The following KLHL6 variants were observed in gnomAD, a reference collection of about 807,000 sequenced individuals.
The protein encoded by KLHL6 is kelch like family member 6, also known as kelch-like protein 6.
In KLHL6, 41 loss-of-function variants were observed where a neutral mutation model predicts 58.6. The ratio of observed to expected loss-of-function variants is 0.70; its 90% confidence interval spans 0.55 to 0.91. The LOEUF (loss-of-function observed/expected upper bound fraction) is 0.91. KLHL6 is among the 40% of genes least tolerant of loss of function. The pLI is 0.00. For synonymous variants in KLHL6, 338 were observed against 322.7 expected (o/e 1.05, Z -0.51); for missense variants, 714 against 805.6 (o/e 0.89, Z 1.38).
At chr3:183,534,125 G>GTACTTTAAAAGTACTTTACTTTTAAAA (rs1712273266) in intron 1 of KLHL6, among the ~76,000 whole-genome samples, 1 of 122,426 alleles carries the variant, frequency 8.2e-6, no homozygotes, top group Admixed American at 8.9e-5. Context: ...TACTTTTAAA[G>GTACTTTAAAAGTACTTTACTTTTAAAA]TACTTTGTAC....
At chr3:183,493,292 G>A (rs1717624037) in intron 5 of KLHL6, 1 of 156,142 alleles carries the variant, frequency 6.4e-6, no homozygotes, top group Non-Finnish European at 1.4e-5. Context: ...GATCCTTTTA[G>A]ATCGTGGAGC....
chr3:183,531,614 T>C (rs1712168020), intron 1 of KLHL6, among the ~76,000 whole-genome samples: 1 of 151,972 alleles, frequency 6.6e-6, no homozygotes, highest in African/African-American at 2.4e-5. Context: ...GCCTGGCTAA[T>C]TTTTTGTATT....
intron 2 of KLHL6, among the ~76,000 whole-genome samples, chr3:183,510,246 C>G (rs921451872): frequency 2.7e-5 from 4 of 148,232 alleles, no homozygotes; most frequent in Non-Finnish European, 5.9e-5. Flanking sequence ...TTCTTGGTGC[C>G]CATGGGTTGA....
chr3:183,547,817 G>A (rs1346790205), intron 1 of KLHL6, among the ~76,000 whole-genome samples: 2 of 152,158 alleles, frequency 1.3e-5, no homozygotes, highest in African/African-American at 4.8e-5. Flanking sequence ...TTGATGGGAA[G>A]AGTGGTTTCC....
Position 183,508,528 on chromosome 3 carries a change from G to A in KLHL6, c.460-20C>T. Reference sequence around the variant, plus strand: ...CAGGAACTGATGAAATAGAAAGGGTGGAAAGGAGGCCAGAAAATGGTGAGT... The same window carrying A: ...CAGGAACTGATGAAATAGAAAGGGTAGAAAGGAGGCCAGAAAATGGTGAGT... On this transcript the variant is annotated intron_variant, in intron 2 of 6. Transcript: ENST00000341319. 9 of 1,600,994 alleles carry A rather than the reference G, an allele frequency of 5.6e-6. No individual in the cohort carries two copies. The highest frequency in any genetic ancestry group is 7.7e-6 in the Non-Finnish European group (9 of 1,173,306).
chr3:183,508,032 A>G, intron 3 of KLHL6, 27 bp downstream of exon 3: 1 of 1,598,148 alleles, frequency 6.3e-7, no homozygotes, highest in Non-Finnish European at 8.6e-7. Context: ...CGCTGGTTAA[A>G]TATAGCACCT....
At chr3:183,535,213 G>A (rs1712325371) in intron 1 of KLHL6, among the ~76,000 whole-genome samples, 1 of 152,194 alleles carries the variant, frequency 6.6e-6, no homozygotes, top group Non-Finnish European at 1.5e-5. Context: ...AAAGTGCTGG[G>A]ATTACAGGCG....
intron 1 of KLHL6, among the ~76,000 whole-genome samples, chr3:183,552,825 G>A (rs1712979959): frequency 6.6e-6 from 1 of 151,164 alleles, no homozygotes; most frequent in Admixed American, 6.6e-5. Flanking sequence ...CAGACACAAA[G>A]CGAGAGAGTG....
intron 2 of KLHL6, among the ~76,000 whole-genome samples, chr3:183,525,373 A>T (rs1711931538): frequency 6.6e-6 from 1 of 152,050 alleles, no homozygotes; most frequent in Non-Finnish European, 1.5e-5. Context: ...CTCATAGCTC[A>T]ATGTCAGCCC....
At chr3:183,553,025 C>T (rs1214557385) in intron 1 of KLHL6, among the ~76,000 whole-genome samples, 1 of 152,150 alleles carries the variant, frequency 6.6e-6, no homozygotes, top group African/African-American at 2.4e-5. Flanking sequence ...ACAGTAAGCG[C>T]TCCACAAACA....
intron 2 of KLHL6, among the ~76,000 whole-genome samples, chr3:183,513,846 T>C (rs1470964557): frequency 6.6e-6 from 1 of 152,156 alleles, no homozygotes; most frequent in Admixed American, 6.5e-5. Flanking sequence ...CATTAGGTAT[T>C]TGTCCTAATA....
rs918577395 is a variant in KLHL6, at chr3:183,488,827, G to T, written c.*3100C>A. The T allele has an allele frequency of 5.3e-5, 8 of 152,172 alleles. No individual in the cohort carries two copies. Among genetic ancestry groups the T allele is most frequent in the African/African-American group, 1.9e-4 (8 of 41,426 alleles). 9.4% of individuals were successfully genotyped at this position (152,172 alleles called of 1,614,324 possible). ...GAACTTTCTTTCTCGAAGAGCTACA[G>T]ACTGGCAGCTTCATATACAGAACCC... On this transcript the variant is annotated 3_prime_UTR_variant, in exon 7 of 7. Coordinates refer to ENST00000341319, the MANE Select transcript of KLHL6 (RefSeq NM_130446.4).
At chr3:183,543,989 C>G (rs1014482185) in intron 1 of KLHL6, among the ~76,000 whole-genome samples, 1 of 151,962 alleles carries the variant, frequency 6.6e-6, no homozygotes, top group Non-Finnish European at 1.5e-5. Flanking sequence ...CATGGTGAAA[C>G]CCCATCTCTA....
chr3:183,512,226 C>T (rs531449190), intron 2 of KLHL6, among the ~76,000 whole-genome samples: 6 of 152,240 alleles, frequency 3.9e-5, no homozygotes, highest in East Asian at 3.9e-4. Flanking sequence ...CAAAATACCA[C>T]GATCACCATG....
At chr3:183,533,677 A>C (rs1712232266) in intron 1 of KLHL6, among the ~76,000 whole-genome samples, 1 of 152,170 alleles carries the variant, frequency 6.6e-6, no homozygotes, top group Admixed American at 6.6e-5. Context: ...AGAGAACGAG[A>C]GAGAGACAGA....
Position 183,512,805 on chromosome 3 carries a change from TATAAATAA to T in KLHL6, c.460-4305_460-4298del, listed in dbSNP as rs563431083. Among the ~76,000 whole-genome samples, 46 of 151,440 alleles carry T rather than the reference TATAAATAA, an allele frequency of 3.0e-4. 2 individuals are homozygous for T. Among genetic ancestry groups the T allele is most frequent in the Non-Finnish European group, 6.0e-4 (41 of 67,884 alleles). ...CAGGCCGGGACTATGATCCTATTTT[TATAAATAA>T]ATAAATAAATATATATATAAAATAA... is the stretch of plus-strand genomic sequence containing the variant. On this transcript the variant is annotated intron_variant, in intron 2 of 6. Coordinates refer to ENST00000341319, the MANE Select transcript of KLHL6 (RefSeq NM_130446.4).
At chr3:183,554,438 C>A (rs957702407) in intron 1 of KLHL6, among the ~76,000 whole-genome samples, 1 of 152,192 alleles carries the variant, frequency 6.6e-6, no homozygotes, top group South Asian at 2.1e-4. Context: ...GATGATGAAA[C>A]AGACATTCAG....
chr3:183,536,004 G>A (rs1712352670), intron 1 of KLHL6, among the ~76,000 whole-genome samples: 1 of 152,184 alleles, frequency 6.6e-6, no homozygotes, highest in African/African-American at 2.4e-5. Context: ...TCGATCTCCT[G>A]ACCTCATGAT....
intron 1 of KLHL6, among the ~76,000 whole-genome samples, chr3:183,530,912 A>T (rs1009260157): frequency 1.3e-5 from 2 of 150,216 alleles, no homozygotes; most frequent in Admixed American, 6.7e-5. Flanking sequence ...GCTCACTGCA[A>T]CCTCTGCCTC....
Sources: allele counts gnomAD v4.1 joint callset (sites outside exome capture counted in the v4.1 genomes callset), GRCh38; gene constraint gnomAD v4.1.1; transcripts MANE v1.5; gene names NCBI Gene and HGNC (gene_info 2026-07-23, HGNC 2026-07-21).